Variants in KCNT1 observed in about 807,000 individuals in gnomAD.
KCNT1 encodes potassium sodium-activated channel subfamily T member 1.
KCNT1 carries 78 observed loss-of-function variants against 147.8 expected under a neutral mutation model. That is an observed-to-expected ratio of 0.53 (90% confidence interval 0.44 to 0.64). KCNT1 has a LOEUF of 0.64. Among genes scored for constraint, KCNT1 ranks in the 30% least tolerant of loss-of-function variants. The pLI is 0.00. For synonymous variants in KCNT1, 867 were observed against 748.8 expected, an observed-to-expected ratio of 1.16 and a Z score of -2.58; for missense variants, 1,419 against 1,750.3, an observed-to-expected ratio of 0.81 and a Z score of 3.38.
chr9:135,782,217 C>CA (rs142405974), intron 24 of KCNT1, among the ~76,000 whole-genome samples: 1 of 152,048 alleles, frequency 6.6e-6, no homozygotes, highest in Non-Finnish European at 1.5e-5. Context: ...AAAAACCAAG[C>CA]AAAAAAATGA....
chr9:135,787,572 A>G (rs1366208380), intron 29 of KCNT1, among the ~76,000 whole-genome samples: 6 of 152,104 alleles, frequency 3.9e-5, no homozygotes, highest in Non-Finnish European at 8.8e-5. Flanking sequence ...TCAGGAGCTC[A>G]CGGCTGGCCC....
In KCNT1 at chr9:135,763,274, G is replaced by A. The variant is rs374014881; in HGVS notation, c.1036-1757G>A. Among the ~76,000 whole-genome samples the A allele has an allele frequency of 5.9e-4, 61 of 102,764 alleles. 1 individual carries two copies. The South Asian group carries it at 0.015, about 25-fold the overall frequency. 67.4% of individuals were successfully genotyped at this position (102,764 alleles called of 152,430 possible). ...TGGAAAGACTGAGCCTCTCACTGGC[G>A]ATGGTAAGGGTGGGCTGCAGTGCCC... On this transcript the variant is annotated intron_variant, in intron 11 of 30. Transcript: ENST00000371757.
chr9:135,736,328 C>T (rs1272341524), intron 2 of KCNT1, among the ~76,000 whole-genome samples: 4 of 152,164 alleles, frequency 2.6e-5, no homozygotes, highest in African/African-American at 7.2e-5. Context: ...GGGGTGGGCG[C>T]CCAGGGCCAC....
chr9:135,786,696 G>A (rs543835572), intron 29 of KCNT1, among the ~76,000 whole-genome samples, 175 bp downstream of exon 29: 2 of 152,376 alleles, frequency 1.3e-5, no homozygotes, highest in South Asian at 2.1e-4. Flanking sequence ...GGGGCCAGCT[G>A]TGGGCACCAC....
At chr9:135,784,414 G>A (rs1045402185) in intron 25 of KCNT1, 121 bp from the exon 26 acceptor site, 3 of 733,154 alleles carry the variant, frequency 4.1e-6, no homozygotes, top group African/African-American at 3.5e-5. Flanking sequence ...ATGCATGAGG[G>A]GTGGCGAGCC....
intron 1 of KCNT1, 82 bp downstream of exon 1, chr9:135,702,450 C>T: frequency 1.8e-6 from 2 of 1,105,814 alleles, no homozygotes; most frequent in South Asian, 1.3e-5. Context: ...GCTCCCGCAC[C>T]CTCCAGGACC....
chr9:135,733,936 C>A (rs911155764), intron 2 of KCNT1, among the ~76,000 whole-genome samples: 2 of 151,362 alleles, frequency 1.3e-5, no homozygotes, highest in Admixed American at 6.6e-5. Flanking sequence ...TCCCTCCCCC[C>A]AGCCTGGGCG....
rs1588359030 is a variant in KCNT1 at position 135,770,062 on chromosome 9, G to A, written c.1619+7G>A. On this transcript the variant is annotated splice_region_variant and intron_variant, in intron 16 of 30. Coordinates refer to ENST00000371757, the MANE Select transcript of KCNT1 (RefSeq NM_020822.3). Reference sequence around the variant, plus strand: ...TGCACACGTCCCGCGGCCAGTGAGTGCCCCGTGCCCCGGGGGACCGACCTC... The same window carrying A: ...TGCACACGTCCCGCGGCCAGTGAGTACCCCGTGCCCCGGGGGACCGACCTC... The A allele has an allele frequency of 6.5e-7, 1 of 1,546,328 alleles. No individual in the cohort carries two copies. The highest frequency in any genetic ancestry group is 2.4e-5 in the East Asian group (1 of 40,918).
In KCNT1 at chr9:135,742,801, C is replaced by T. The variant is rs768849605; in HGVS notation, c.255-7297C>T. The T allele has an allele frequency of 4.0e-5, 29 of 717,348 alleles. 1 individual carries two copies. The highest frequency in any genetic ancestry group is 6.2e-5 in the Non-Finnish European group (24 of 385,008). 44.4% of individuals were successfully genotyped at this position (717,348 alleles called of 1,614,324 possible). Reference sequence around the variant, plus strand: ...CCTGTAGAAGATTTCAGCCTGGACTCCTCCCTGTCTCAGTAAGTGCTTTGC... The same window carrying T: ...CCTGTAGAAGATTTCAGCCTGGACTTCTCCCTGTCTCAGTAAGTGCTTTGC... On this transcript the variant is annotated intron_variant, in intron 2 of 30. Transcript: ENST00000371757.
rs942206913 is a variant in KCNT1, at chr9:135,756,764, C to G, written c.541-109C>G. 533 of 911,614 alleles carry G rather than the reference C, an allele frequency of 5.8e-4. 6 individuals carry two copies. Among genetic ancestry groups the G allele is most frequent in the Admixed American group, 1.8e-3 (107 of 58,568 alleles). The allele number at this position is 911,614 out of a possible 1,614,324, so 56.5% of individuals were successfully genotyped here. A position where few individuals can be genotyped will look rare whatever the true frequency, so the allele number is the denominator to read the frequency against. Reference sequence around the variant, plus strand: ...ATGGGAGTGAGGGTCAAGGCAGACCCCAGACACACACCTGGCTTTGTGTGG... The same window carrying G: ...ATGGGAGTGAGGGTCAAGGCAGACCGCAGACACACACCTGGCTTTGTGTGG... On this transcript the variant is annotated intron_variant, in intron 6 of 30. Coordinates refer to ENST00000371757, the MANE Select transcript of KCNT1 (RefSeq NM_020822.3).
intron 2 of KCNT1, 56 bp from the exon 3 acceptor site, chr9:135,750,042 C>G: frequency 6.9e-7 from 1 of 1,438,952 alleles, no homozygotes; most frequent in Middle Eastern, 1.7e-4. Context: ...CCCGGCGTGT[C>G]CCCAGCCTGA....
rs376356881 is a variant in KCNT1, at chr9:135,770,099, C to T, written c.1619+44C>T. 5.3e-4 allele frequency: 800 copies of T among 1,503,310 alleles called. 1 individual carries two copies. Among genetic ancestry groups the T allele is most frequent in the Non-Finnish European group, 6.8e-4 (758 of 1,109,524 alleles). 93.1% of individuals were successfully genotyped at this position (1,503,310 alleles called of 1,614,324 possible). ...GGGGGACCGACCTCCATGGCGGGGC[C>T]GGCGCAGGGAGACAACGCAGGGCCT... is the stretch of plus-strand genomic sequence containing the variant. On this transcript the variant is annotated intron_variant, in intron 16 of 30. Transcript: ENST00000371757.
chr9:135,763,181 G>A (rs1407270728), intron 11 of KCNT1, among the ~76,000 whole-genome samples: 1 of 152,242 alleles, frequency 6.6e-6, no homozygotes, highest in Non-Finnish European at 1.5e-5. Flanking sequence ...TGGCAGGGCT[G>A]GGGGTGATTG....
Position 135,760,151 on chromosome 9 carries a change from C to T in KCNT1, c.1035+292C>T, listed in dbSNP as rs78852596. 0.071 allele frequency among the ~76,000 whole-genome samples: 10,856 copies of T among 152,188 alleles called. 575 individuals are homozygous for T. The highest frequency in any genetic ancestry group is 0.25 in the East Asian group (1,303 of 5,146). ...GTGACCTGCCCCTCCCAGGCCCAGG[C>T]AGAGTGCAGGGAAGGGTCAAGGTGG... On this transcript the variant is annotated intron_variant, in intron 11 of 30. Transcript: ENST00000371757.
In KCNT1 at chr9:135,753,927, C is replaced by G; in HGVS notation, c.435-10C>G. 1.2e-6 allele frequency: 2 copies of G among 1,613,952 alleles called. No homozygotes were observed. The highest frequency in any genetic ancestry group is 1.7e-6 in the Non-Finnish European group (2 of 1,179,866). ...GGCCAGGGCCGGGCCAGCGCTGTGT[C>G]TCTCCACAGCTGGGGCTGCCCAAAG... On this transcript the variant is annotated splice_polypyrimidine_tract_variant and intron_variant, in intron 4 of 30. Coordinates refer to ENST00000371757, the MANE Select transcript of KCNT1 (RefSeq NM_020822.3).
chr9:135,756,881 G>C lies in KCNT1; in HGVS notation c.549G>C (p.Val183=). ...CCTTTCCTGACTCCCAGGTCATCGTGGCCATAATAAGCTTCCTGGAGACGA... is the reference window on the plus strand; with the variant it reads ...CCTTTCCTGACTCCCAGGTCATCGTCGCCATAATAAGCTTCCTGGAGACGA... ...KMTLWAIQVI[V]AIISFLETML... is the part of the protein sequence containing the mutation. The change falls in exon 7 of 31, where the codon GTG becomes GTC. Residue 183 remains valine, a synonymous_variant. Coordinates refer to ENST00000371757, the MANE Select transcript of KCNT1 (RefSeq NM_020822.3). 6.2e-7 allele frequency: 1 copy of C among 1,613,342 alleles called. No homozygotes were observed. Among genetic ancestry groups the C allele is most frequent in the Non-Finnish European group, 8.5e-7 (1 of 1,179,886 alleles).
In KCNT1 at chr9:135,770,279, G is replaced by A. The variant is rs1588359741; in HGVS notation, c.1620-19G>A. On this transcript the variant is annotated intron_variant, in intron 16 of 30. Transcript: ENST00000371757. Reference sequence around the variant, plus strand: ...CATGGCCGAGGGTGACGCTCCCCTGGCCCCGCCCTGGCCCACAGGGAGGGA... The same window carrying A: ...CATGGCCGAGGGTGACGCTCCCCTGACCCCGCCCTGGCCCACAGGGAGGGA... 1.9e-6 allele frequency: 3 copies of A among 1,576,258 alleles called. No homozygotes were observed. The highest frequency in any genetic ancestry group is 2.6e-6 in the Non-Finnish European group (3 of 1,159,302).
At chr9:135,776,592 ATC>A (rs1833186091) in intron 20 of KCNT1, among the ~76,000 whole-genome samples, 2 of 151,820 alleles carry the variant, frequency 1.3e-5, no homozygotes, top group Admixed American at 6.6e-5. Flanking sequence ...CAGTTCCGGA[ATC>A]TCTCTCCAGC....
chr9:135,703,731 G>C (rs904303882), intron 1 of KCNT1, among the ~76,000 whole-genome samples: 2 of 152,202 alleles, frequency 1.3e-5, no homozygotes, highest in Non-Finnish European at 2.9e-5. Context: ...CATTCTGCTG[G>C]AGTTTATCAC....
Sources: gnomAD v4.1 joint callset for allele counts (sites outside exome capture counted in the v4.1 genomes callset) on GRCh38, gnomAD v4.1.1 for gene constraint, MANE v1.5 for transcripts, NCBI Gene and HGNC (gene_info 2026-07-23, HGNC 2026-07-21) for gene names.